Variants in SLC43A2 observed in about 807,000 individuals in gnomAD.
SLC43A2 encodes solute carrier family 43 member 2, also known as large neutral amino acids transporter small subunit 4.
Under a neutral mutation model 63.2 loss-of-function variants are expected in SLC43A2, and 38 were observed. That is an observed-to-expected ratio of 0.60 (90% CI 0.46 to 0.79). The LOEUF (loss-of-function observed/expected upper bound fraction) is 0.79, where lower values mean the gene tolerates loss of function less well. SLC43A2 is among the 30% of genes least tolerant of loss of function. SLC43A2 has a pLI of 0.00. For synonymous variants in SLC43A2, 322 were observed against 331.0 expected, an observed-to-expected ratio of 0.97 and a Z score of 0.30; for missense variants, 644 against 756.2, an observed-to-expected ratio of 0.85 and a Z score of 1.74.
At position 1,591,453 on chromosome 17, in the gene SLC43A2, G is replaced by A; in HGVS notation, c.747C>T (p.Ser249=). The change falls in exon 8 of 14, where the codon AGC becomes AGT. Residue 249 remains serine, a synonymous_variant. Coordinates refer to ENST00000301335, the MANE Select transcript of SLC43A2 (RefSeq NM_152346.3). ...DMDYSVKIKF[S]WLGFDHKITG... ...TGATCTTGTGGTCAAAGCCCAGCCA[G>A]CTGAACTTGATCTTCACCCTGGGGC... 3 of 1,613,250 alleles carry A rather than the reference G, an allele frequency of 1.9e-6. No homozygotes were observed. Among genetic ancestry groups the A allele is most frequent in the Non-Finnish European group, 1.7e-6 (2 of 1,179,928 alleles).
rs774579607 is a variant in SLC43A2 at position 1,616,738 on chromosome 17, T to C, written c.192A>G (p.Thr64=). The change falls in exon 3 of 14, where the codon ACA becomes ACG. Residue 64 remains threonine, a synonymous_variant. Transcript: ENST00000301335. ...TCACCTCCTCGTGCCCCGGCTCTGC[T>C]GTGCCGCCCACTGTGCCATTGGTGA... ...ENVTNGTVGG[T]AEPGHEEVSW... The C allele has an allele frequency of 6.8e-6, 11 of 1,613,978 alleles. No individual in the cohort carries two copies. In the African/African-American group the frequency reaches 1.2e-4, roughly 18 times the overall value.
At chr17:1,585,823 TC>T in intron 10 of SLC43A2, 89 bp downstream of exon 10, 1 of 1,606,520 alleles carries the variant, frequency 6.2e-7, no homozygotes, top group Non-Finnish European at 8.5e-7. Context: ...TCTCCCTCTG[TC>T]CCACCCACCC....
intron 11 of SLC43A2, among the ~76,000 whole-genome samples, chr17:1,580,588 G>A (rs143903669): frequency 4.7e-5 from 7 of 149,454 alleles, no homozygotes; most frequent in Middle Eastern, 3.5e-3. Flanking sequence ...TTTTGGGACG[G>A]TCTCGCTCTA....
intron 5 of SLC43A2, among the ~76,000 whole-genome samples, chr17:1,601,752 T>C (rs1426745260): frequency 1.2e-3 from 149 of 119,244 alleles, no homozygotes; most frequent in East Asian, 2.1e-3. Context: ...AATGCAAAGG[T>C]GCTATTGAGC....
chr17:1,581,202 C>CCACACACACACACACACACA (rs376885169), intron 11 of SLC43A2, among the ~76,000 whole-genome samples: 2,819 of 148,420 alleles, frequency 0.019, 57 homozygotes, highest in African/African-American at 0.044. Flanking sequence ...TGCCCAGTGC[C>CCACACACACACACACACACA]CACACACACA....
At chr17:1,611,078 T>C (rs1907056803) in intron 5 of SLC43A2, among the ~76,000 whole-genome samples, 1 of 151,972 alleles carries the variant, frequency 6.6e-6, no homozygotes, top group South Asian at 2.1e-4. Flanking sequence ...CCTGACCTCA[T>C]GATCCACCAC....
At chr17:1,604,912 C>A in intron 5 of SLC43A2, 1 of 1,531,012 alleles carries the variant, frequency 6.5e-7, no homozygotes. Flanking sequence ...CTCAGCTGCG[C>A]ATAATGGCTG....
intron 2 of SLC43A2, 60 bp downstream of exon 2, chr17:1,627,655 C>A: frequency 3.0e-6 from 2 of 665,282 alleles, no homozygotes; most frequent in Non-Finnish European, 4.5e-6. Flanking sequence ...CGCCCCCATC[C>A]CGCCCCCTCC....
intron 5 of SLC43A2, among the ~76,000 whole-genome samples, chr17:1,611,034 G>T (rs1487964223): frequency 6.6e-6 from 1 of 151,814 alleles, no homozygotes; most frequent in Non-Finnish European, 1.5e-5. Flanking sequence ...TAGAGACGGG[G>T]TTTCACTATC....
chr17:1,619,306 A>G (rs1907947818), intron 2 of SLC43A2, among the ~76,000 whole-genome samples: 1 of 152,160 alleles, frequency 6.6e-6, no homozygotes, highest in South Asian at 2.1e-4. Context: ...CGTCTCGAAA[A>G]ACAAAACAGA....
intron 5 of SLC43A2, chr17:1,604,559 GTA>G (rs1906401579): frequency 1.5e-6 from 1 of 674,224 alleles, no homozygotes; most frequent in Non-Finnish European, 2.5e-6. Context: ...TGAACTTAGT[GTA>G]GACATCTCAT....
In SLC43A2 at chr17:1,570,677, G is replaced by C. The variant is rs1419615806; in HGVS notation, c.*4927C>G. ...AATTTTTTGTATTTTTAGTAGAGAC[G>C]GGGTTTCACCGTTTTAGCCGGGATG... On this transcript the variant is annotated 3_prime_UTR_variant, in exon 14 of 14. Transcript: ENST00000301335. The C allele has an allele frequency of 6.6e-6, 1 of 150,728 alleles. No homozygotes were observed. Among genetic ancestry groups the C allele is most frequent in the African/African-American group, 2.4e-5 (1 of 40,882 alleles). The allele number at this position is 150,728 out of a possible 1,614,324, so 9.3% of individuals were successfully genotyped here. A position where few individuals can be genotyped will look rare whatever the true frequency, so the allele number is the denominator to read the frequency against.
At chr17:1,591,522 G>C in intron 7 of SLC43A2, 44 bp downstream of exon 7, 1 of 1,608,444 alleles carries the variant, frequency 6.2e-7, no homozygotes, top group Non-Finnish European at 8.5e-7. Flanking sequence ...CCCGGCTGGG[G>C]GGCGGGGGCT....
At chr17:1,610,699 A>G (rs1907012876) in intron 5 of SLC43A2, among the ~76,000 whole-genome samples, 1 of 150,990 alleles carries the variant, frequency 6.6e-6, no homozygotes, top group Non-Finnish European at 1.5e-5. Context: ...TCAACATAGT[A>G]AGACCCCATC....
chr17:1,607,739 A>T (rs1340778664), intron 5 of SLC43A2, among the ~76,000 whole-genome samples: 1 of 151,524 alleles, frequency 6.6e-6, no homozygotes, highest in Non-Finnish European at 1.5e-5. Flanking sequence ...TTTTTGAGTC[A>T]GAGTCTCGCT....
At chr17:1,594,650 C>T (rs111783863) in intron 5 of SLC43A2, among the ~76,000 whole-genome samples, 3,074 of 138,540 alleles carry the variant, frequency 0.022, 117 homozygotes, top group Non-Finnish European at 0.036. Flanking sequence ...TGCAGTGGCT[C>T]TATCTCGGCT....
intron 2 of SLC43A2, among the ~76,000 whole-genome samples, chr17:1,619,561 C>A (rs1041879812): frequency 5.3e-5 from 8 of 152,304 alleles, no homozygotes; most frequent in Admixed American, 5.2e-4. Context: ...GTCCTCGAGC[C>A]CGTCAGGGTG....
Position 1,614,990 on chromosome 17 carries a change from C to T in SLC43A2, c.413G>A (p.Ser138Asn), listed in dbSNP as rs1483388564. 1 of 1,614,034 alleles carries T rather than the reference C, an allele frequency of 6.2e-7. No individual in the cohort carries two copies. The highest frequency in any genetic ancestry group is 8.5e-7 in the Non-Finnish European group (1 of 1,179,982). Residue 138 changes from serine to asparagine, a missense_variant, in exon 4 of 14, where the codon AGT (serine) becomes AAT (asparagine). Physicochemically the swap from Ser to Asn is conservative, Grantham distance 46 (BLOSUM62 1). Transcript: ENST00000301335. ...VSCLLIAYGA[S>N]KPNALSVLIF... ...GAGAGGACACTCACCGTTTGGTTTACTTGCTCCGTACGCAATCAGCAAGCA... is the reference window on the plus strand; with the variant it reads ...GAGAGGACACTCACCGTTTGGTTTATTTGCTCCGTACGCAATCAGCAAGCA...
chr17:1,624,349 G>C (rs1422460813), intron 2 of SLC43A2, among the ~76,000 whole-genome samples: 4 of 152,108 alleles, frequency 2.6e-5, no homozygotes, highest in African/African-American at 9.7e-5. Context: ...GAGGCTGGTG[G>C]ATCACTTGAG....
Sources: allele counts gnomAD v4.1 joint callset (sites outside exome capture counted in the v4.1 genomes callset), GRCh38; gene constraint gnomAD v4.1.1; transcripts MANE v1.5; gene names NCBI Gene and HGNC (gene_info 2026-07-23, HGNC 2026-07-21).